PSMD8: variants seen among roughly 807,000 people sequenced by gnomAD.
PSMD8 encodes proteasome 26S subunit, non-ATPase 8, also known as 26S proteasome non-ATPase regulatory subunit 8.
A neutral mutation model predicts 40.0 loss-of-function variants in PSMD8; 30 were observed. The observed-to-expected ratio is 0.75, with a 90% CI of 0.56 to 1.02. PSMD8 has a LOEUF of 1.02. PSMD8 is among the 50% of genes least tolerant of loss of function. The pLI is 0.00. For missense variants in PSMD8, 461 were observed against 463.9 expected, an observed-to-expected ratio of 0.99 and a Z score of 0.06; for synonymous variants, 208 against 192.5, an observed-to-expected ratio of 1.08 and a Z score of -0.67.
intron 5 of PSMD8, chr19:38,381,205 C>T (rs1007107181): frequency 1.9e-6 from 1 of 516,664 alleles, no homozygotes; most frequent in Non-Finnish European, 3.4e-6. Flanking sequence ...CCACCCTTGG[C>T]TGTTGACATG....
Position 38,383,391 on chromosome 19 carries a change from GC to G in PSMD8, c.*7del, listed in dbSNP as rs773871194. The G allele has an allele frequency of 6.2e-7, 1 of 1,613,880 alleles. No homozygotes were observed. Among genetic ancestry groups the G allele is most frequent in the Non-Finnish European group, 8.5e-7 (1 of 1,179,852 alleles). The stretch of plus-strand genomic sequence containing the variant: ...CCGGCAGCTGGAGATGATCGTCTGA[GC>G]CCCCCGGGCACTGGGTGGGGCAGGG... On this transcript the variant is annotated 3_prime_UTR_variant, in exon 7 of 7. Coordinates refer to ENST00000215071, the MANE Select transcript of PSMD8 (RefSeq NM_002812.5).
In PSMD8 at chr19:38,374,907, G is replaced by A. The variant is rs1384428370; in HGVS notation, c.306G>A (p.Trp102Ter). ...TGMYEQLKGEWNRKSPNLSKC... is the reference protein window; with the variant it reads ...TGMYEQLKGE ...TGTACGAGCAACTCAAGGGCGAGTG[G>A]AACCGTAAAAGCCCCAATCTTAGCA... The change falls in exon 1 of 7, where the codon TGG (tryptophan) becomes TGA (stop). Residue 102 changes from tryptophan (W) to a stop codon, truncating the protein, a stop_gained. Transcript: ENST00000215071. LOFTEE classifies it high-confidence loss of function. 1 of 1,586,668 alleles carries A rather than the reference G, an allele frequency of 6.3e-7. No homozygotes were observed. The highest frequency in any genetic ancestry group is 8.5e-7 in the Non-Finnish European group (1 of 1,174,560).
chr19:38,376,278 G>A (rs1478142687), intron 2 of PSMD8, 46 bp downstream of exon 2: 1 of 1,546,156 alleles, frequency 6.5e-7, no homozygotes, highest in African/African-American at 1.4e-5. Context: ...TGGGGGTCAT[G>A]GCAGGAATGG....
At position 38,374,608 on chromosome 19, in the gene PSMD8, A is replaced by T; in HGVS notation, c.7A>T (p.Ile3Phe). ...AGGCGGAGCTCCAACTGACATGTTC[A>T]TTAAGGGCAGGGCTCCGAGGGCGCC... is the stretch of plus-strand genomic sequence containing the variant. The part of the protein sequence containing the change: MF[I>F]KGRAPRAPPR... Residue 3 changes from isoleucine (I) to phenylalanine (F), a missense_variant, in exon 1 of 7, where the codon ATT becomes TTT. This residue lies in a region of PSMD8 where 225 missense variants were observed against 142.7 expected (regional missense o/e 1.58). Transcript: ENST00000215071. The T allele has an allele frequency of 6.8e-7, 1 of 1,479,718 alleles. No homozygotes were observed. Among genetic ancestry groups the T allele is most frequent in the Non-Finnish European group, 8.9e-7 (1 of 1,120,824 alleles). 91.7% of individuals were successfully genotyped at this position (1,479,718 alleles called of 1,614,324 possible).
chr19:38,383,404 T>G lies in PSMD8; in HGVS notation c.*14T>G. The G allele has an allele frequency of 6.2e-7, 1 of 1,613,878 alleles. No individual in the cohort carries two copies. On this transcript the variant is annotated 3_prime_UTR_variant, in exon 7 of 7. Transcript: ENST00000215071. ...ATGATCGTCTGAGCCCCCCGGGCACTGGGTGGGGCAGGGCACGAGTTATTT... is the reference window on the plus strand; with the variant it reads ...ATGATCGTCTGAGCCCCCCGGGCACGGGGTGGGGCAGGGCACGAGTTATTT...
At position 38,374,612 on chromosome 19, in the gene PSMD8, A is replaced by T; in HGVS notation, c.11A>T (p.Lys4Met). 1 of 1,484,062 alleles carries T rather than the reference A, an allele frequency of 6.7e-7. No individual in the cohort carries two copies. The highest frequency in any genetic ancestry group is 8.9e-7 in the Non-Finnish European group (1 of 1,122,898). The allele number at this position is 1,484,062 out of a possible 1,614,324, so 91.9% of individuals were successfully genotyped here. Residue 4 changes from lysine to methionine, a missense_variant, in exon 1 of 7, where the codon AAG (lysine) becomes ATG (methionine). Lys to Met is a moderately conservative substitution (Grantham distance 95). Coordinates refer to ENST00000215071, the MANE Select transcript of PSMD8 (RefSeq NM_002812.5). ...GGAGCTCCAACTGACATGTTCATTA[A>T]GGGCAGGGCTCCGAGGGCGCCACCT... MFI[K>M]GRAPRAPPRE...
At chr19:38,379,489 C>A in intron 4 of PSMD8, 84 bp downstream of exon 4, 2 of 1,428,280 alleles carry the variant, frequency 1.4e-6, no homozygotes, top group Non-Finnish European at 1.9e-6. Context: ...GAAGGAGTGG[C>A]CAGGGTTCAC....
At chr19:38,376,313 C>G (rs1229312423) in intron 2 of PSMD8, 39 bp from the exon 3 acceptor site, 1 of 1,536,702 alleles carries the variant, frequency 6.5e-7, no homozygotes, top group South Asian at 1.2e-5. Context: ...GGGGAAGAGA[C>G]CTCAGTCACC....
intron 6 of PSMD8, 105 bp from the exon 7 acceptor site, chr19:38,383,148 G>A (rs1026502067): frequency 4.8e-6 from 7 of 1,454,780 alleles, no homozygotes; most frequent in African/African-American, 1.4e-5. Flanking sequence ...AGTACGATTG[G>A]TGAGAAAAGA....
intron 1 of PSMD8, chr19:38,375,216 G>A: frequency 7.1e-6 from 4 of 566,602 alleles, no homozygotes; most frequent in Non-Finnish European, 9.0e-6. Flanking sequence ...CGAGGCGGGG[G>A]AGCGTCGCTT....
chr19:38,375,209 G>A (rs939013545), intron 1 of PSMD8: 1 of 594,652 alleles, frequency 1.7e-6, no homozygotes, highest in Admixed American at 3.4e-5. Context: ...GGGAGGCCGA[G>A]GCGGGGGAGC....
chr19:38,383,277 A>T lies in PSMD8; in HGVS notation c.940A>T (p.Asn314Tyr). 1 of 1,613,106 alleles carries T rather than the reference A, an allele frequency of 6.2e-7. No individual in the cohort carries two copies. Among genetic ancestry groups the T allele is most frequent in the Non-Finnish European group, 8.5e-7 (1 of 1,179,856 alleles). The part of the protein sequence containing the change: ...KKRGWVLGPN[N>Y]YYSFASQQQK... ...GCGAGGGTGGGTCCTGGGCCCCAAC[A>T]ACTACTACAGTTTTGCCAGCCAGCA... is the stretch of plus-strand genomic sequence containing the variant. The change falls in exon 7 of 7, where the codon AAC becomes TAC. Residue 314 changes from asparagine to tyrosine, a missense_variant. Physicochemically the swap from Asn to Tyr is moderately radical, Grantham distance 143. Coordinates refer to ENST00000215071, the MANE Select transcript of PSMD8 (RefSeq NM_002812.5).
In PSMD8 at chr19:38,383,296, G is replaced by A. The variant is rs1289808116; in HGVS notation, c.959G>A (p.Ser320Asn). The A allele has an allele frequency of 6.2e-7, 1 of 1,613,498 alleles. No homozygotes were observed. The highest frequency in any genetic ancestry group is 1.7e-5 in the Admixed American group (1 of 59,940). Reference sequence around the variant, plus strand: ...CCCAACAACTACTACAGTTTTGCCAGCCAGCAGCAGAAGCCGGAAGACACC... The same window carrying A: ...CCCAACAACTACTACAGTTTTGCCAACCAGCAGCAGAAGCCGGAAGACACC... ...LGPNNYYSFA[S>N]QQQKPEDTTI... The change falls in exon 7 of 7, where the codon AGC (serine) becomes AAC (asparagine). Residue 320 changes from serine (S) to asparagine (N), a missense_variant. Ser to Asn is a conservative substitution (Grantham distance 46, BLOSUM62 1). This residue lies in a region of PSMD8 where 236 missense variants were observed against 321.2 expected (regional missense o/e 0.73). Transcript: ENST00000215071.
At position 38,381,718 on chromosome 19, in the gene PSMD8, C is replaced by G. The variant is rs181337644; in HGVS notation, c.804-399C>G. Among the ~76,000 whole-genome samples, 243 of 152,292 alleles carry G rather than the reference C, an allele frequency of 1.6e-3. 5 individuals are homozygous for G. The highest frequency in any genetic ancestry group is 0.015 in the Admixed American group (232 of 15,296). On this transcript the variant is annotated intron_variant, in intron 5 of 6. Transcript: ENST00000215071. ...TTCATGCCTTGCTCTATTTCTACTT[C>G]GGTGTTGTTCGTGGTGCCTCTTGAT... is the stretch of plus-strand genomic sequence containing the variant.
chr19:38,382,337 C>A, intron 6 of PSMD8, 109 bp downstream of exon 6: 1 of 866,254 alleles, frequency 1.2e-6, no homozygotes, highest in Non-Finnish European at 1.9e-6. Context: ...GGTTTAAGTT[C>A]AACTGTGTGA....
At chr19:38,382,526 A>T in intron 6 of PSMD8, 1 of 561,974 alleles carries the variant, frequency 1.8e-6, no homozygotes. Flanking sequence ...ACTTTGCTTC[A>T]TTTGGTCTCA....
rs1157026021 is a variant in PSMD8, at chr19:38,381,053, G to A, written c.803+54G>A. Reference sequence around the variant, plus strand: ...TTTGGAAAGAACTTGGGCTTGAGTCGGACAGCTCCGAGTCTGAATCTCATT... The same window carrying A: ...TTTGGAAAGAACTTGGGCTTGAGTCAGACAGCTCCGAGTCTGAATCTCATT... On this transcript the variant is annotated intron_variant, in intron 5 of 6. Transcript: ENST00000215071. The A allele has an allele frequency of 5.2e-6, 7 of 1,348,974 alleles. No homozygotes were observed. The African/African-American group carries it at 5.9e-5, about 11-fold the overall frequency. 83.6% of individuals were successfully genotyped at this position (1,348,974 alleles called of 1,614,324 possible).
In PSMD8 at chr19:38,374,732, C is replaced by G. The variant is rs768240567; in HGVS notation, c.131C>G (p.Ala44Gly). The change falls in exon 1 of 7, where the codon GCA becomes GGA. Residue 44 changes from alanine to glycine, a missense_variant. Physicochemically the swap from Ala to Gly is moderately conservative, Grantham distance 60. Transcript: ENST00000215071. The part of the protein sequence containing the change: ...GSTSRPHFRR[A>G]SVCRRRCRKS... Reference sequence around the variant, plus strand: ...ACCTCTCGGCCCCACTTCCGCCGGGCAAGCGTTTGTAGGCGGCGCTGCCGT... The same window carrying G: ...ACCTCTCGGCCCCACTTCCGCCGGGGAAGCGTTTGTAGGCGGCGCTGCCGT... The G allele has an allele frequency of 5.8e-6, 9 of 1,551,120 alleles. No individual in the cohort carries two copies.
chr19:38,375,180 C>A, intron 1 of PSMD8: 1 of 761,586 alleles, frequency 1.3e-6, no homozygotes, highest in Non-Finnish European at 2.0e-6. Flanking sequence ...GATGGTCACG[C>A]CTGTAATCGC....
Sources: allele counts gnomAD v4.1 joint callset (sites outside exome capture counted in the v4.1 genomes callset), GRCh38; gene constraint gnomAD v4.1.1; regional missense constraint gnomAD v4.1.1; transcripts MANE v1.5; gene names NCBI Gene and HGNC (gene_info 2026-07-23, HGNC 2026-07-21).